The following ERGIC1 variants were observed in gnomAD, a reference collection of about 807,000 sequenced individuals.
ERGIC1 encodes the protein endoplasmic reticulum-Golgi intermediate compartment protein 1.
A neutral mutation model predicts 38.3 loss-of-function variants in ERGIC1; 19 were observed. The observed-to-expected ratio is 0.50, with a 90% CI of 0.35 to 0.73. The LOEUF (loss-of-function observed/expected upper bound fraction) is 0.73. Ranked by LOEUF, ERGIC1 falls within the 30% of genes least tolerant of loss-of-function variation. ERGIC1 has a pLI of 0.01. For synonymous variants in ERGIC1, 124 were observed against 157.6 expected, an observed-to-expected ratio of 0.79 and a Z score of 1.60; for missense variants, 294 against 389.2, an observed-to-expected ratio of 0.76 and a Z score of 2.06.
intron 3 of ERGIC1, among the ~76,000 whole-genome samples, chr5:172,904,652 A>G (rs1450864697): frequency 6.6e-6 from 1 of 152,190 alleles, no homozygotes; most frequent in Non-Finnish European, 1.5e-5. Context: ...GCCTTTTAAA[A>G]TCAGTTCAGC....
In ERGIC1 at chr5:172,897,054, C is replaced by T. The variant is rs528902028; in HGVS notation, c.135C>T (p.Thr45=). ...FILFLFLSEL[T]GFITTEVVNE... ...TCTTCCTCTTCCTCTCGGAGCTCAC[C>T]GGATTTATAACGACAGAAGTGTAAG... Residue 45 remains threonine, a synonymous_variant, in exon 3 of 10, where the codon ACC becomes ACT. Transcript: ENST00000393784. The T allele has an allele frequency of 1.1e-5, 17 of 1,614,104 alleles. No individual in the cohort carries two copies. Among genetic ancestry groups the T allele is most frequent in the African/African-American group, 5.3e-5 (4 of 75,050 alleles).
chr5:172,930,446 G>A (rs975863857), intron 7 of ERGIC1, among the ~76,000 whole-genome samples: 2 of 151,654 alleles, frequency 1.3e-5, no homozygotes, highest in South Asian at 2.1e-4. Context: ...GGGTTCAAGC[G>A]ATTCTCCTGC....
At chr5:172,919,958 C>A (rs1277709640) in intron 5 of ERGIC1, among the ~76,000 whole-genome samples, 2 of 152,214 alleles carry the variant, frequency 1.3e-5, no homozygotes, top group African/African-American at 4.8e-5. Flanking sequence ...CTTTAGTCCT[C>A]ACAGTAGCCT....
intron 6 of ERGIC1, among the ~76,000 whole-genome samples, 156 bp downstream of exon 6, chr5:172,924,265 AGAACAG>A (rs1429049128): frequency 2.6e-5 from 4 of 152,252 alleles, no homozygotes; most frequent in African/African-American, 9.6e-5. Context: ...CACCAGGAAC[AGAACAG>A]GGAAATGGGT....
chr5:172,927,602 C>T (rs1267037950), intron 7 of ERGIC1, among the ~76,000 whole-genome samples: 1 of 128,660 alleles, frequency 7.8e-6, no homozygotes, highest in African/African-American at 3.0e-5. Context: ...TTTTTTGAGA[C>T]GGAGTCTTAC....
rs544991583 is a variant in ERGIC1 at position 172,835,080 on chromosome 5, C to T, written c.20+647C>T. On this transcript the variant is annotated intron_variant, in intron 1 of 9. Coordinates refer to ENST00000393784, the MANE Select transcript of ERGIC1 (RefSeq NM_001031711.3). ...GTCTGGCCTTGGCTTTCTGCAGTCA[C>T]CACAATGGGTCCTTTGTGGGGTCCA... Among the ~76,000 whole-genome samples the T allele has an allele frequency of 3.3e-5, 5 of 152,326 alleles. 1 individual carries two copies. Among genetic ancestry groups the T allele is most frequent in the African/African-American group, 9.6e-5 (4 of 41,588 alleles).
intron 9 of ERGIC1, among the ~76,000 whole-genome samples, chr5:172,944,102 G>C (rs1581591093): frequency 1.3e-5 from 2 of 152,308 alleles, no homozygotes; most frequent in South Asian, 4.1e-4. Flanking sequence ...AGACTCACTG[G>C]GGCCCAGGTA....
chr5:172,851,200 CAA>C (rs34437961), intron 1 of ERGIC1, among the ~76,000 whole-genome samples: 21,934 of 96,276 alleles, frequency 0.23, 1,840 homozygotes, highest in East Asian at 0.39. Flanking sequence ...GACTCTGTCT[CAA>C]AAAAAAAAAA....
rs796218309 is a variant in ERGIC1 at position 172,864,742 on chromosome 5, T to TC, written c.21-23948dup. On this transcript the variant is annotated intron_variant, in intron 1 of 9. Transcript: ENST00000393784. ...TTAAAGCATGAACCATATTAACATG[T>TC]CCCCCCCCCTTTTTTTTTGAGCACC... 2.5e-3 allele frequency among the ~76,000 whole-genome samples: 374 copies of TC among 149,662 alleles called. 1 individual carries two copies. The highest frequency in any genetic ancestry group is 7.3e-3 in the African/African-American group (295 of 40,660).
At chr5:172,932,558 C>T (rs1044136345) in intron 8 of ERGIC1, 22 bp downstream of exon 8, 1 of 1,610,596 alleles carries the variant, frequency 6.2e-7, no homozygotes, top group Non-Finnish European at 8.5e-7. Context: ...GTGGCTGGGC[C>T]GAGCTGTGTG....
chr5:172,902,497 C>T (rs942546708), intron 3 of ERGIC1, among the ~76,000 whole-genome samples: 1 of 152,178 alleles, frequency 6.6e-6, no homozygotes. Flanking sequence ...CAGCTCACCC[C>T]TTGTGAAGAT....
intron 9 of ERGIC1, chr5:172,935,532 A>G (rs2113473567): frequency 1.8e-6 from 1 of 541,056 alleles, no homozygotes; most frequent in Non-Finnish European, 3.3e-6. Flanking sequence ...AGTATTTTCC[A>G]GAGGGGAATG....
intron 1 of ERGIC1, among the ~76,000 whole-genome samples, chr5:172,852,284 C>T (rs1283552544): frequency 6.6e-6 from 1 of 152,178 alleles, no homozygotes; most frequent in Non-Finnish European, 1.5e-5. Context: ...AAAACGCAGG[C>T]AGGGTCTGCC....
chr5:172,939,070 A>C (rs1427663500), intron 9 of ERGIC1, among the ~76,000 whole-genome samples: 1 of 151,990 alleles, frequency 6.6e-6, no homozygotes, highest in Non-Finnish European at 1.5e-5. Flanking sequence ...CTCAAAAAAA[A>C]AAAGAAAAAA....
chr5:172,854,615 G>A (rs565911420), intron 1 of ERGIC1, among the ~76,000 whole-genome samples: 6 of 152,338 alleles, frequency 3.9e-5, no homozygotes, highest in Admixed American at 1.3e-4. Flanking sequence ...GTGTGGGTGT[G>A]TGGGCGTGTG....
intron 3 of ERGIC1, among the ~76,000 whole-genome samples, chr5:172,897,555 G>A (rs472959): frequency 0.46 from 69,998 of 152,032 alleles, 16,246 homozygotes; most frequent in South Asian, 0.49. Flanking sequence ...TTTAAAGTGA[G>A]AGCAAAAGTG....
In ERGIC1 at chr5:172,834,594, G is replaced by GCCT. The variant is rs1760988159; in HGVS notation, c.20+162_20+163insCTC. On this transcript the variant is annotated intron_variant, in intron 1 of 9. Coordinates refer to ENST00000393784, the MANE Select transcript of ERGIC1 (RefSeq NM_001031711.3). This position sits in a 1 kb window ranked among gnomAD's most constrained non-coding sequence, Gnocchi z 4.1. ...ACCCCAGGCGAGCCCCCCCCCTGCC[G>GCCT]CACACGAAGCCAGCCAGAGCCGCGG... Among the ~76,000 whole-genome samples the GCCT allele has an allele frequency of 2.3e-5, 1 of 44,156 alleles. No individual in the cohort carries two copies. Among genetic ancestry groups the GCCT allele is most frequent in the African/African-American group, 7.0e-5 (1 of 14,212 alleles). The allele number at this position is 44,156 out of a possible 152,430, so 29.0% of individuals were successfully genotyped here.
In ERGIC1 at chr5:172,929,375, G is replaced by A. The variant is rs140675705; in HGVS notation, c.541+2806G>A. ...GAATTTTTCTGTAAGAAGATTTTGC[G>A]GGTAGGGGAGGAGGAGTGAGCTTGA... is the stretch of plus-strand genomic sequence containing the variant. On this transcript the variant is annotated intron_variant, in intron 7 of 9. Transcript: ENST00000393784. Among the ~76,000 whole-genome samples the A allele has an allele frequency of 3.6e-4, 55 of 152,232 alleles. 1 individual carries two copies. Among genetic ancestry groups the A allele is most frequent in the East Asian group, 2.9e-3 (15 of 5,182 alleles).
intron 5 of ERGIC1, among the ~76,000 whole-genome samples, chr5:172,921,218 C>A (rs967720618): frequency 6.6e-6 from 1 of 152,228 alleles, no homozygotes; most frequent in Non-Finnish European, 1.5e-5. Flanking sequence ...GGCTCCCCAG[C>A]TAGGAAGTGG....
Sources: allele counts gnomAD v4.1 joint callset (sites outside exome capture counted in the v4.1 genomes callset), GRCh38; gene constraint gnomAD v4.1.1; non-coding constraint Gnocchi (gnomAD v3.1); transcripts MANE v1.5; gene names NCBI Gene and HGNC (gene_info 2026-07-23, HGNC 2026-07-21).